TAS2R1: variants seen among roughly 807,000 people sequenced by gnomAD.
TAS2R1 encodes taste receptor type 2 member 1.
For missense variants in TAS2R1, 370 were observed against 353.4 expected (o/e 1.05, Z -0.38); for synonymous variants, 141 against 134.2 (o/e 1.05, Z -0.35).
the TAS2R1 span, among the ~76,000 whole-genome samples, chr5:9,763,340 CA>C: frequency 6.6e-6 from 1 of 151,898 alleles, no homozygotes; most frequent in Non-Finnish European, 1.5e-5. Flanking sequence ...CCATCTCTCC[CA>C]AAAATACAAA....
intron 2 of TAS2R1, among the ~76,000 whole-genome samples, chr5:9,638,467 G>T (rs1447293086): frequency 1.3e-5 from 2 of 152,204 alleles, no homozygotes; most frequent in African/African-American, 2.4e-5. Context: ...CCAGGATATT[G>T]CAGGCAGTGG....
At chr5:9,667,512 T>A (rs2126500129) in intron 1 of TAS2R1, among the ~76,000 whole-genome samples, 1 of 152,320 alleles carries the variant, frequency 6.6e-6, no homozygotes, top group East Asian at 1.9e-4. Flanking sequence ...GGCATAACCG[T>A]ATGTTCCCCT....
the TAS2R1 span, among the ~76,000 whole-genome samples, chr5:9,840,641 A>G: frequency 6.6e-6 from 1 of 151,808 alleles, no homozygotes; most frequent in Non-Finnish European, 1.5e-5. Context: ...TTGTACAGTC[A>G]ATGTTCATTT....
At chr5:9,734,786 G>A in the TAS2R1 span, among the ~76,000 whole-genome samples, 4 of 151,504 alleles carry the variant, frequency 2.6e-5, no homozygotes, top group Admixed American at 6.6e-5. Context: ...CCCCCACCAC[G>A]GTGAACACTA....
the TAS2R1 span, among the ~76,000 whole-genome samples, chr5:9,884,474 A>T: frequency 9.2e-5 from 1 of 10,888 alleles, no homozygotes; most frequent in Non-Finnish European, 2.9e-4. Context: ...ACTCTGACTT[A>T]AAAAAAAAAA....
At chr5:9,773,320 C>T in the TAS2R1 span, among the ~76,000 whole-genome samples, 1 of 151,604 alleles carries the variant, frequency 6.6e-6, no homozygotes, top group Admixed American at 6.6e-5. Flanking sequence ...ACTTCATCCT[C>T]TCTCTTTTTA....
the TAS2R1 span, among the ~76,000 whole-genome samples, chr5:9,812,721 G>C: frequency 6.6e-6 from 1 of 152,136 alleles, no homozygotes; most frequent in African/African-American, 2.4e-5. Flanking sequence ...CACGGTAGGC[G>C]CTGGGAATAA....
intron 1 of TAS2R1, among the ~76,000 whole-genome samples, chr5:9,701,217 C>T (rs538619564): frequency 5.8e-4 from 77 of 132,484 alleles, no homozygotes; most frequent in African/African-American, 2.0e-3. Flanking sequence ...ATGGCAGACA[C>T]GCAGACACAC....
chr5:9,772,016 A>G, the TAS2R1 span, among the ~76,000 whole-genome samples: 1 of 150,730 alleles, frequency 6.6e-6, no homozygotes, highest in Non-Finnish European at 1.5e-5. Context: ...TTCTGCTCTG[A>G]TCTTTATTAT....
the TAS2R1 span, among the ~76,000 whole-genome samples, chr5:9,883,038 G>A: frequency 1.1e-4 from 17 of 152,128 alleles, no homozygotes; most frequent in Admixed American, 4.6e-4. Context: ...CGAAATACTA[G>A]GTAGCCATAA....
chr5:9,637,403 C>A (rs540045980), intron 2 of TAS2R1, among the ~76,000 whole-genome samples: 2 of 152,172 alleles, frequency 1.3e-5, no homozygotes, highest in Admixed American at 1.3e-4. Flanking sequence ...TGACTATGTG[C>A]CTAGGTGATG....
rs185412063 is a variant in TAS2R1, at chr5:9,629,455, G to A, written c.578C>T (p.Ala193Val). The change falls in exon 1 of 1, where the codon GCT becomes GTT. Residue 193 changes from alanine (A) to valine (V), a missense_variant. Coordinates refer to ENST00000382492, the MANE Select transcript of TAS2R1 (RefSeq NM_019599.3). ...CAGAGAGAAAATCAAGAGCAAAACAGCAAAAAGGAAGATAAGCAATGGCAC... is the reference window on the plus strand; with the variant it reads ...CAGAGAGAAAATCAAGAGCAAAACAACAAAAAGGAAGATAAGCAATGGCAC... ...FSVPLLIFLF[A>V]VLLLIFSLGR... The A allele has an allele frequency of 1.2e-6, 2 of 1,613,938 alleles. No individual in the cohort carries two copies. The highest frequency in any genetic ancestry group is 2.7e-5 in the African/African-American group (2 of 74,884).
At chr5:9,729,278 A>ATT in the TAS2R1 span, among the ~76,000 whole-genome samples, 1 of 151,934 alleles carries the variant, frequency 6.6e-6, no homozygotes, top group Admixed American at 6.6e-5. Flanking sequence ...ATGGGGGAGG[A>ATT]CGATGGTCCC....
At chr5:9,894,505 C>T in the TAS2R1 span, among the ~76,000 whole-genome samples, 1 of 152,162 alleles carries the variant, frequency 6.6e-6, no homozygotes, top group African/African-American at 2.4e-5. Context: ...TGGCGAGAGG[C>T]CAGCCATCTG....
chr5:9,832,970 T>C, the TAS2R1 span, among the ~76,000 whole-genome samples: 1 of 152,218 alleles, frequency 6.6e-6, no homozygotes, highest in African/African-American at 2.4e-5. Flanking sequence ...AATCAATATG[T>C]AGAAGATGTA....
the TAS2R1 span, among the ~76,000 whole-genome samples, chr5:9,723,755 G>A: frequency 6.6e-6 from 1 of 152,244 alleles, no homozygotes; most frequent in Non-Finnish European, 1.5e-5. Context: ...CATCAGGGGT[G>A]AATGCACCTG....
chr5:9,638,877 A>G (rs1740018725), intron 2 of TAS2R1, among the ~76,000 whole-genome samples: 1 of 152,104 alleles, frequency 6.6e-6, no homozygotes, highest in Admixed American at 6.5e-5. Flanking sequence ...CCTCTGCTGT[A>G]TCATATAGTT....
the TAS2R1 span, among the ~76,000 whole-genome samples, chr5:9,815,187 C>G: frequency 3.9e-5 from 6 of 152,166 alleles, no homozygotes; most frequent in African/African-American, 1.4e-4. Flanking sequence ...TGTCAGATTC[C>G]TTGACACTTG....
chr5:9,861,037 G>GGTTTTTTTTTTT, the TAS2R1 span, among the ~76,000 whole-genome samples: 18 of 88,612 alleles, frequency 2.0e-4, no homozygotes, highest in African/African-American at 6.8e-4. Flanking sequence ...GGAAGATGAG[G>GGTTTTTTTTTTT]TTTTTTTTTT....
Sources: allele counts gnomAD v4.1 joint callset (sites outside exome capture counted in the v4.1 genomes callset), GRCh38; gene constraint gnomAD v4.1.1; transcripts MANE v1.5; gene names NCBI Gene and HGNC (gene_info 2026-07-23, HGNC 2026-07-21).